GPC5: variants seen among roughly 807,000 people sequenced by gnomAD.
GPC5 encodes the protein glypican 5, also known as glypican-5.
In GPC5, 47 loss-of-function variants were observed where a neutral mutation model predicts 53.9. The observed-to-expected ratio is 0.87, with a 90% CI of 0.69 to 1.11. GPC5 has a LOEUF of 1.11. GPC5 is among the 50% of genes most tolerant of loss of function. The pLI, the probability that GPC5 is intolerant of heterozygous loss-of-function variation, is 0.00. For missense variants in GPC5, 748 were observed against 713.1 expected, an observed-to-expected ratio of 1.05 and a Z score of -0.56; for synonymous variants, 286 against 263.3, an observed-to-expected ratio of 1.09 and a Z score of -0.84.
At chr13:92,599,652 G>T (rs1883984477) in intron 7 of GPC5, among the ~76,000 whole-genome samples, 1 of 152,186 alleles carries the variant, frequency 6.6e-6, no homozygotes, top group South Asian at 2.1e-4. Flanking sequence ...CAGGATAATG[G>T]CATGAGGATG....
intron 5 of GPC5, among the ~76,000 whole-genome samples, chr13:91,790,873 A>T (rs1205765665): frequency 6.6e-6 from 1 of 152,220 alleles, no homozygotes; most frequent in African/African-American, 2.4e-5. Context: ...TAACAACATA[A>T]TCTGAGATAA....
chr13:91,497,248 T>C (rs1431301730), intron 2 of GPC5, among the ~76,000 whole-genome samples: 1 of 152,160 alleles, frequency 6.6e-6, no homozygotes, highest in African/African-American at 2.4e-5. Context: ...TTTAAACCTT[T>C]CTGTAGGTAA....
intron 1 of GPC5, among the ~76,000 whole-genome samples, chr13:91,417,205 T>C (rs1368163214): frequency 6.6e-6 from 1 of 152,154 alleles, no homozygotes; most frequent in South Asian, 2.1e-4. Flanking sequence ...ACACTGGGCA[T>C]GTCAATATTG....
chr13:91,696,256 C>T (rs1203120520), intron 3 of GPC5, among the ~76,000 whole-genome samples: 3 of 152,124 alleles, frequency 2.0e-5, no homozygotes, highest in Non-Finnish European at 2.9e-5. Context: ...ATGTAAAACT[C>T]TCTGCTGTAT....
In GPC5 at chr13:92,785,479, C is replaced by A. The variant is rs1402269473; in HGVS notation, c.1562-80803C>A. ...TAATCTTCCTAATTCATATGTGCAA[C>A]CACAAATATTTCTAAGAGAAAGAAA... On this transcript the variant is annotated intron_variant, in intron 7 of 7. Transcript: ENST00000377067. Among the ~76,000 whole-genome samples, 3 of 152,192 alleles carry A rather than the reference C, an allele frequency of 2.0e-5. No individual in the cohort carries two copies. In the East Asian group the frequency reaches 5.8e-4, roughly 29 times the overall value.
At chr13:92,596,455 T>C (rs949534704) in intron 7 of GPC5, among the ~76,000 whole-genome samples, 5 of 151,898 alleles carry the variant, frequency 3.3e-5, no homozygotes, top group African/African-American at 1.2e-4. Flanking sequence ...TATATGTGTA[T>C]ATATATTCAG....
At position 92,533,982 on chromosome 13, in the gene GPC5, G is replaced by A. The variant is rs921091131; in HGVS notation, c.1562-332300G>A. On this transcript the variant is annotated intron_variant, in intron 7 of 7. Transcript: ENST00000377067. ...CCTTTTCCTCCAATACTACTTGGGC[G>A]CTGATACTAAATGACAGAAAGAGAC... is the stretch of plus-strand genomic sequence containing the variant. Among the ~76,000 whole-genome samples the A allele has an allele frequency of 5.3e-5, 8 of 152,044 alleles. No homozygotes were observed. The East Asian group carries it at 5.8e-4, about 11-fold the overall frequency.
chr13:91,648,915 T>G (rs1035979094), intron 2 of GPC5, among the ~76,000 whole-genome samples: 3 of 152,136 alleles, frequency 2.0e-5, no homozygotes, highest in African/African-American at 7.2e-5. Context: ...GATGGCTGTG[T>G]CCCCACCCAA....
At chr13:92,179,798 T>C (rs2042133450) in intron 7 of GPC5, among the ~76,000 whole-genome samples, 1 of 152,218 alleles carries the variant, frequency 6.6e-6, no homozygotes, top group African/African-American at 2.4e-5. Context: ...CATGGGAAGA[T>C]TGAATTTTTT....
intron 6 of GPC5, chr13:91,994,533 GCA>G (rs1263349241): frequency 3.3e-5 from 5 of 152,178 alleles, no homozygotes; most frequent in Non-Finnish European, 5.9e-5. Flanking sequence ...TAAACTTCGA[GCA>G]CAGTCTTTTA....
At chr13:92,559,570 A>G (rs1882626137) in intron 7 of GPC5, among the ~76,000 whole-genome samples, 1 of 151,656 alleles carries the variant, frequency 6.6e-6, no homozygotes, top group Non-Finnish European at 1.5e-5. Context: ...ACACTCCAAC[A>G]GGCAATATTC....
intron 2 of GPC5, among the ~76,000 whole-genome samples, chr13:91,622,850 C>CTGT (rs780728826): frequency 4.6e-5 from 7 of 152,120 alleles, no homozygotes; most frequent in Admixed American, 2.6e-4. Context: ...TAAAATTTAC[C>CTGT]TGTTTGGCTG....
chr13:92,489,886 AAGTC>A (rs1384327800), intron 7 of GPC5, among the ~76,000 whole-genome samples: 1 of 151,626 alleles, frequency 6.6e-6, no homozygotes, highest in Non-Finnish European at 1.5e-5. Context: ...GAAAAAAAAA[AAGTC>A]AGCTTCTAAA....
chr13:91,707,531 G>C (rs1474304816), intron 3 of GPC5, among the ~76,000 whole-genome samples: 1 of 152,150 alleles, frequency 6.6e-6, no homozygotes, highest in African/African-American at 2.4e-5. Flanking sequence ...TCATGTGTGA[G>C]GATCACATAA....
intron 7 of GPC5, among the ~76,000 whole-genome samples, chr13:92,437,444 T>C (rs1242606487): frequency 2.6e-5 from 4 of 152,126 alleles, no homozygotes; most frequent in African/African-American, 9.7e-5. Context: ...ATTTTAGAAA[T>C]GAATCCATTA....
intron 7 of GPC5, among the ~76,000 whole-genome samples, chr13:92,824,700 TTAAATC>T (rs1382709618): frequency 7.2e-6 from 1 of 139,282 alleles, no homozygotes; most frequent in Non-Finnish European, 1.5e-5. Context: ...ATATCTTACT[TTAAATC>T]TAAATAGCAA....
At chr13:91,716,229 C>T (rs1009238746) in intron 3 of GPC5, among the ~76,000 whole-genome samples, 13 of 152,080 alleles carry the variant, frequency 8.5e-5, no homozygotes, top group African/African-American at 3.1e-4. Context: ...GTATATGCCT[C>T]CTTGTTCTTA....
intron 2 of GPC5, among the ~76,000 whole-genome samples, chr13:91,535,476 C>G (rs1271685350): frequency 6.6e-6 from 1 of 152,080 alleles, no homozygotes; most frequent in African/African-American, 2.4e-5. Flanking sequence ...TCTGCATATG[C>G]CTTCAAACCA....
At chr13:92,453,426 AAAGG>A (rs761051627) in intron 7 of GPC5, among the ~76,000 whole-genome samples, 13 of 152,182 alleles carry the variant, frequency 8.5e-5, no homozygotes, top group Middle Eastern at 6.4e-3. Context: ...GAAAACAAGC[AAAGG>A]AAGAGCGGGA....
Sources: gnomAD v4.1 joint callset for allele counts (sites outside exome capture counted in the v4.1 genomes callset) on GRCh38, gnomAD v4.1.1 for gene constraint, MANE v1.5 for transcripts, NCBI Gene and HGNC (gene_info 2026-07-23, HGNC 2026-07-21) for gene names.